Variants in SLC14A2 observed in about 807,000 individuals in gnomAD.
SLC14A2 encodes urea transporter 2.
SLC14A2 carries 91 observed loss-of-function variants against 104.6 expected under a neutral mutation model. The ratio of observed to expected loss-of-function variants is 0.87; its 90% CI spans 0.73 to 1.04. The LOEUF (loss-of-function observed/expected upper bound fraction) is 1.04. Ranked by LOEUF, SLC14A2 falls within the 50% of genes least tolerant of loss-of-function variation. The probability of loss-of-function intolerance (pLI) is 0.00; values close to 1 mark genes in which losing one functional copy is unlikely to be tolerated. For synonymous variants in SLC14A2, 476 were observed against 466.4 expected, an observed-to-expected ratio of 1.02 and a Z score of -0.27; for missense variants, 1,189 against 1,156.0, an observed-to-expected ratio of 1.03 and a Z score of -0.41.
intron 1 of SLC14A2, among the ~76,000 whole-genome samples, chr18:45,446,483 C>T (rs1461089034): frequency 6.6e-6 from 1 of 152,318 alleles, no homozygotes; most frequent in East Asian, 1.9e-4. Flanking sequence ...TGCTGGCACC[C>T]TTGTCTTAGA....
intron 1 of SLC14A2, among the ~76,000 whole-genome samples, chr18:45,344,920 C>T (rs1299738017): frequency 6.6e-6 from 1 of 152,216 alleles, no homozygotes; most frequent in African/African-American, 2.4e-5. Context: ...GCATGCAGAG[C>T]TGTGCTGGTC....
the SLC14A2 span, among the ~76,000 whole-genome samples, chr18:45,197,736 A>C: frequency 6.6e-6 from 1 of 152,216 alleles, no homozygotes; most frequent in Non-Finnish European, 1.5e-5. Flanking sequence ...AATGCGTCTC[A>C]TTCATTGCTT....
chr18:45,248,980 C>A (rs555613595), intron 1 of SLC14A2, among the ~76,000 whole-genome samples: 2 of 152,090 alleles, frequency 1.3e-5, no homozygotes, highest in Non-Finnish European at 2.9e-5. Context: ...TTGCTGTCCA[C>A]GTTCCATAAT....
intron 2 of SLC14A2, among the ~76,000 whole-genome samples, chr18:45,547,291 C>G (rs2043986206): frequency 6.6e-6 from 1 of 152,174 alleles, no homozygotes; most frequent in Non-Finnish European, 1.5e-5. Context: ...TTTAACAAGT[C>G]CTCTCAGGGA....
At chr18:45,523,536 C>T (rs1314542067) in intron 2 of SLC14A2, among the ~76,000 whole-genome samples, 1 of 148,530 alleles carries the variant, frequency 6.7e-6, no homozygotes, top group Non-Finnish European at 1.5e-5. Flanking sequence ...GGGTTTACAC[C>T]ATGTTGGCCA....
intron 2 of SLC14A2, among the ~76,000 whole-genome samples, chr18:45,524,393 T>G (rs930409501): frequency 4.6e-5 from 7 of 152,036 alleles, no homozygotes; most frequent in African/African-American, 1.7e-4. Context: ...GAAGACCCAG[T>G]AGGGTGTGAA....
chr18:45,381,823 G>T (rs1476057449), intron 1 of SLC14A2, among the ~76,000 whole-genome samples: 2 of 152,102 alleles, frequency 1.3e-5, no homozygotes, highest in Non-Finnish European at 2.9e-5. Context: ...GGGGTTTTGT[G>T]GGGGACATAC....
intron 16 of SLC14A2, among the ~76,000 whole-genome samples, chr18:45,671,590 G>A (rs377336715): frequency 2.0e-5 from 3 of 151,838 alleles, no homozygotes; most frequent in East Asian, 1.9e-4. Flanking sequence ...ACTCTCTCTC[G>A]CCTGTCCCCT....
intron 1 of SLC14A2, among the ~76,000 whole-genome samples, chr18:45,279,123 C>G (rs944895330): frequency 2.0e-5 from 3 of 152,150 alleles, no homozygotes; most frequent in Admixed American, 2.0e-4. Flanking sequence ...GTTCAGCTCC[C>G]CCTCAGCAGA....
chr18:45,471,256 C>T (rs984515189), intron 1 of SLC14A2, among the ~76,000 whole-genome samples: 2 of 152,156 alleles, frequency 1.3e-5, no homozygotes, highest in African/African-American at 4.8e-5. Flanking sequence ...AACTCTGGCA[C>T]CAACCTAATT....
chr18:45,298,084 A>G (rs898877467), intron 1 of SLC14A2, among the ~76,000 whole-genome samples: 3 of 152,238 alleles, frequency 2.0e-5, no homozygotes, highest in African/African-American at 7.2e-5. Flanking sequence ...ATGAAAACCT[A>G]TAATCATAAT....
chr18:45,197,591 A>T, the SLC14A2 span, among the ~76,000 whole-genome samples: 1 of 152,162 alleles, frequency 6.6e-6, no homozygotes, highest in Non-Finnish European at 1.5e-5. Context: ...TGACTCAGCA[A>T]ATTGATTTCA....
chr18:45,683,506 C>A lies in SLC14A2; in HGVS notation c.*987C>A, dbSNP rs540647507. Reference sequence around the variant, plus strand: ...GAGTCATAGGAAAATGCTCTCCAGACGTGGGGTTAGGAACCTAAATTCACT... The same window carrying A: ...GAGTCATAGGAAAATGCTCTCCAGAAGTGGGGTTAGGAACCTAAATTCACT... On this transcript the variant is annotated 3_prime_UTR_variant, in exon 20 of 20. Transcript: ENST00000255226. 1 of 152,158 alleles carries A rather than the reference C, an allele frequency of 6.6e-6. No homozygotes were observed. Among genetic ancestry groups the A allele is most frequent in the Non-Finnish European group, 1.5e-5 (1 of 68,026 alleles). The allele number at this position is 152,158 out of a possible 1,614,324, so 9.4% of individuals were successfully genotyped here. A position where few individuals can be genotyped will look rare whatever the true frequency, so the allele number is the denominator to read the frequency against.
chr18:45,572,741 A>G (rs1368222227), intron 2 of SLC14A2, among the ~76,000 whole-genome samples: 1 of 152,206 alleles, frequency 6.6e-6, no homozygotes, highest in Non-Finnish European at 1.5e-5. Flanking sequence ...CACTTCAGGT[A>G]TACTCATTCT....
intron 1 of SLC14A2, among the ~76,000 whole-genome samples, chr18:45,236,772 A>G (rs1257979711): frequency 1.3e-5 from 2 of 151,984 alleles, no homozygotes; most frequent in Admixed American, 1.3e-4. Flanking sequence ...TCCTTTGGCT[A>G]TATATGCAGT....
intron 1 of SLC14A2, among the ~76,000 whole-genome samples, chr18:45,258,166 G>A (rs2084500183): frequency 6.9e-6 from 1 of 144,838 alleles, no homozygotes; most frequent in African/African-American, 2.7e-5. Flanking sequence ...GTCACCTGTT[G>A]TTACTTTTGG....
At chr18:45,670,346 G>A (rs1040268238) in intron 16 of SLC14A2, among the ~76,000 whole-genome samples, 6 of 152,120 alleles carry the variant, frequency 3.9e-5, no homozygotes, top group African/African-American at 7.2e-5. Flanking sequence ...TGCACTCACA[G>A]TATTAAGTCA....
At chr18:45,508,041 C>G (rs2043310662) in intron 2 of SLC14A2, among the ~76,000 whole-genome samples, 1 of 152,214 alleles carries the variant, frequency 6.6e-6, no homozygotes, top group Non-Finnish European at 1.5e-5. Context: ...CTGCTTATCT[C>G]AAAGGTAAGA....
chr18:45,491,892 A>G (rs957525059), intron 2 of SLC14A2, among the ~76,000 whole-genome samples: 2 of 152,240 alleles, frequency 1.3e-5, no homozygotes, highest in Non-Finnish European at 2.9e-5. Flanking sequence ...CTGCCAGGGC[A>G]TTCCAGAGCT....
Sources: gnomAD v4.1 joint callset for allele counts (sites outside exome capture counted in the v4.1 genomes callset) on GRCh38, gnomAD v4.1.1 for gene constraint, MANE v1.5 for transcripts, NCBI Gene and HGNC (gene_info 2026-07-23, HGNC 2026-07-21) for gene names.